IKZF3: variants seen among roughly 807,000 people sequenced by gnomAD.
The protein encoded by IKZF3 is IKAROS family zinc finger 3.
A neutral mutation model predicts 49.0 loss-of-function variants in IKZF3; 10 were observed. The ratio of observed to expected loss-of-function variants is 0.20; its 90% CI spans 0.13 to 0.35. The LOEUF is 0.35. IKZF3 is among the 10% of genes least tolerant of loss of function. The pLI is 1.00. For missense variants in IKZF3, 498 were observed against 664.8 expected (o/e 0.75, Z 2.76); for synonymous variants, 209 against 228.2 (o/e 0.92, Z 0.76).
intron 1 of IKZF3, among the ~76,000 whole-genome samples, chr17:39,857,843 G>C (rs982935868): frequency 2.6e-5 from 4 of 151,938 alleles, no homozygotes; most frequent in Non-Finnish European, 4.4e-5. Flanking sequence ...AAGATCCCCA[G>C]CTACGCATGG....
chr17:39,856,096 T>C (rs962865848), intron 1 of IKZF3, among the ~76,000 whole-genome samples: 7 of 150,852 alleles, frequency 4.6e-5, no homozygotes, highest in Admixed American at 3.3e-4. Context: ...ATATAACATG[T>C]ATATTGTATA....
At chr17:39,837,082 A>T (rs2062308375) in intron 1 of IKZF3, among the ~76,000 whole-genome samples, 1 of 151,210 alleles carries the variant, frequency 6.6e-6, no homozygotes, top group Admixed American at 6.6e-5. Context: ...CAGAAGCACC[A>T]CCATGCCTGG....
At chr17:39,848,985 GA>G (rs2062715443) in intron 1 of IKZF3, among the ~76,000 whole-genome samples, 1 of 152,236 alleles carries the variant, frequency 6.6e-6, no homozygotes, top group East Asian at 1.9e-4. Context: ...GCCTGGCAAA[GA>G]ATTCTTTAGC....
At chr17:39,791,633 A>G (rs1313254754) in intron 4 of IKZF3, 50 bp from the exon 5 acceptor site, 1 of 1,570,412 alleles carries the variant, frequency 6.4e-7, no homozygotes, top group Admixed American at 1.7e-5. Context: ...AAGTGGAGAA[A>G]CATATGCACA....
chr17:39,797,984 G>A (rs1220201427), intron 3 of IKZF3, among the ~76,000 whole-genome samples: 3 of 151,758 alleles, frequency 2.0e-5, no homozygotes, highest in Admixed American at 6.6e-5. Flanking sequence ...GGCTTCCTAG[G>A]TATCTTCCCA....
intron 1 of IKZF3, among the ~76,000 whole-genome samples, chr17:39,846,502 T>C (rs2062637080): frequency 6.6e-6 from 1 of 151,344 alleles, no homozygotes; most frequent in Non-Finnish European, 1.5e-5. Flanking sequence ...TTTTTTTTTT[T>C]TTTTCAGAGT....
At chr17:39,845,096 A>ACTATGG (rs756390282) in intron 1 of IKZF3, among the ~76,000 whole-genome samples, 2 of 152,164 alleles carry the variant, frequency 1.3e-5, no homozygotes, top group African/African-American at 2.4e-5. Context: ...GGTTTTGCAA[A>ACTATGG]CTATGGCTCA....
intron 2 of IKZF3, among the ~76,000 whole-genome samples, chr17:39,829,718 G>C (rs527973644): frequency 1.3e-5 from 2 of 151,896 alleles, no homozygotes; most frequent in African/African-American, 2.4e-5. Context: ...TTGGGAGGCC[G>C]AGATGGGCAG....
intron 6 of IKZF3, among the ~76,000 whole-genome samples, chr17:39,780,243 T>TAAAAA (rs398041675): frequency 6.6e-5 from 7 of 105,786 alleles, no homozygotes; most frequent in African/African-American, 2.3e-4. Context: ...AGACTCTGTC[T>TAAAAA]AAAAAAAAAA....
chr17:39,830,618 T>C (rs2062083004), intron 2 of IKZF3, among the ~76,000 whole-genome samples: 1 of 152,226 alleles, frequency 6.6e-6, no homozygotes, highest in Non-Finnish European at 1.5e-5. Flanking sequence ...TTTTCACATA[T>C]AGGCATAGTA....
At position 39,762,751 on chromosome 17, in the gene IKZF3, G is replaced by A. The variant is rs537231310; in HGVS notation, c.*3039C>T. Reference sequence around the variant, plus strand: ...AAAATACAAAAATTAGCCGGGCTTGGTGGTGAGCACCTGTAATCCCAGCTA... The same window carrying A: ...AAAATACAAAAATTAGCCGGGCTTGATGGTGAGCACCTGTAATCCCAGCTA... On this transcript the variant is annotated 3_prime_UTR_variant, in exon 8 of 8. Transcript: ENST00000346872. The A allele has an allele frequency of 6.6e-6, 1 of 152,294 alleles. No individual in the cohort carries two copies. Among genetic ancestry groups the A allele is most frequent in the Non-Finnish European group, 1.5e-5 (1 of 68,124 alleles). The allele number at this position is 152,294 out of a possible 1,614,324, so 9.4% of individuals were successfully genotyped here.
At position 39,761,581 on chromosome 17, in the gene IKZF3, A is replaced by ATAC. The variant is rs1567944278; in HGVS notation, c.*4208_*4209insGTA. On this transcript the variant is annotated 3_prime_UTR_variant, in exon 8 of 8. Transcript: ENST00000346872. ...ATACATACATATATATACATATACA[A>ATAC]AAAAAATAAAAATAAATTAAAAAAT... 1.4e-5 allele frequency: 2 copies of ATAC among 146,948 alleles called. No homozygotes were observed. Among genetic ancestry groups the ATAC allele is most frequent in the African/African-American group, 5.3e-5 (2 of 37,718 alleles). The allele number at this position is 146,948 out of a possible 1,614,324, so 9.1% of individuals were successfully genotyped here. A position where few individuals can be genotyped will look rare whatever the true frequency, so the allele number is the denominator to read the frequency against.
intron 6 of IKZF3, among the ~76,000 whole-genome samples, chr17:39,786,705 T>C (rs766758662): frequency 6.6e-6 from 1 of 152,204 alleles, no homozygotes; most frequent in Non-Finnish European, 1.5e-5. Flanking sequence ...GCAATCCTCT[T>C]GCCTCAGCCT....
chr17:39,837,888 T>C (rs969428558), intron 1 of IKZF3, among the ~76,000 whole-genome samples: 2 of 151,798 alleles, frequency 1.3e-5, no homozygotes, highest in African/African-American at 4.8e-5. Context: ...ATAAACTGCC[T>C]GCCTCAGCCT....
intron 3 of IKZF3, among the ~76,000 whole-genome samples, chr17:39,797,965 A>G (rs1191482880): frequency 6.6e-6 from 1 of 151,880 alleles, no homozygotes; most frequent in African/African-American, 2.4e-5. Context: ...TTAGTCCTCT[A>G]TTTCTGAAGG....
chr17:39,787,548 C>T (rs9911688), intron 6 of IKZF3, among the ~76,000 whole-genome samples: 8,751 of 152,298 alleles, frequency 0.057, 390 homozygotes, highest in African/African-American at 0.12. Context: ...GACAACTCCA[C>T]TCTTCATCAA....
At chr17:39,830,850 G>A (rs867602623) in intron 2 of IKZF3, among the ~76,000 whole-genome samples, 2 of 152,274 alleles carry the variant, frequency 1.3e-5, no homozygotes, top group South Asian at 2.1e-4. Flanking sequence ...AAACACACGC[G>A]GGAGCGAAAG....
chr17:39,777,890 A>G (rs992543183), intron 6 of IKZF3, 123 bp from the exon 7 acceptor site: 2 of 1,437,520 alleles, frequency 1.4e-6, no homozygotes, highest in African/African-American at 1.4e-5. Context: ...GTTACCTGTT[A>G]TAACTGCTCA....
At chr17:39,854,028 A>G (rs187423575) in intron 1 of IKZF3, among the ~76,000 whole-genome samples, 2 of 152,306 alleles carry the variant, frequency 1.3e-5, no homozygotes, top group South Asian at 2.1e-4. Context: ...CAGGAGGCTG[A>G]GGCAGGAGAA....
Sources: allele counts gnomAD v4.1 joint callset (sites outside exome capture counted in the v4.1 genomes callset), GRCh38; gene constraint gnomAD v4.1.1; transcripts MANE v1.5; gene names NCBI Gene and HGNC (gene_info 2026-07-23, HGNC 2026-07-21).